TRNAU1AP: variants seen among roughly 807,000 people sequenced by gnomAD.
TRNAU1AP encodes the protein tRNA selenocysteine 1 associated protein 1.
Under a neutral mutation model 43.3 loss-of-function variants are expected in TRNAU1AP, and 33 were observed. That is an observed-to-expected ratio of 0.76 (90% confidence interval 0.58 to 1.02). The LOEUF (loss-of-function observed/expected upper bound fraction) is 1.02, where lower values mean the gene tolerates loss of function less well. TRNAU1AP is among the 50% of genes least tolerant of loss of function. The pLI, the probability that TRNAU1AP is intolerant of heterozygous loss-of-function variation, is 0.00. For missense variants in TRNAU1AP, 290 were observed against 362.7 expected (o/e 0.80, Z 1.63); for synonymous variants, 143 against 129.1 (o/e 1.11, Z -0.73).
chr1:28,559,897 C>T (rs775896507), intron 2 of TRNAU1AP, among the ~76,000 whole-genome samples: 4 of 152,008 alleles, frequency 2.6e-5, no homozygotes, highest in Non-Finnish European at 5.9e-5. Context: ...TTTGGGAGGC[C>T]GAAGTGGGTG....
At chr1:28,569,642 A>G (rs578130621) in intron 6 of TRNAU1AP, among the ~76,000 whole-genome samples, 9 of 150,056 alleles carry the variant, frequency 6.0e-5, no homozygotes, top group African/African-American at 1.7e-4. Flanking sequence ...CAGTGAGCCA[A>G]GATTGTGCCA....
intron 3 of TRNAU1AP, 140 bp from the exon 4 acceptor site, chr1:28,561,206 A>G: frequency 2.0e-6 from 3 of 1,479,372 alleles, no homozygotes; most frequent in Non-Finnish European, 2.7e-6. Flanking sequence ...CAACCCCCTC[A>G]TTTTATACAG....
At chr1:28,554,469 A>G (rs1205716171) in intron 2 of TRNAU1AP, among the ~76,000 whole-genome samples, 2 of 152,160 alleles carry the variant, frequency 1.3e-5, no homozygotes, top group African/African-American at 2.4e-5. Flanking sequence ...TAAGCAGTTT[A>G]CATCCATTAT....
At chr1:28,559,982 A>G (rs1009019600) in intron 2 of TRNAU1AP, among the ~76,000 whole-genome samples, 3 of 152,098 alleles carry the variant, frequency 2.0e-5, no homozygotes, top group African/African-American at 7.2e-5. Context: ...AAATACAAAA[A>G]TTAGCCAGGC....
At chr1:28,568,934 C>G (rs1422087905) in intron 6 of TRNAU1AP, among the ~76,000 whole-genome samples, 2 of 152,028 alleles carry the variant, frequency 1.3e-5, no homozygotes, top group Admixed American at 6.6e-5. Flanking sequence ...GCCTCAGCCT[C>G]CCGAGTAGCT....
chr1:28,560,950 T>C (rs1268841058), intron 3 of TRNAU1AP: 6 of 975,132 alleles, frequency 6.2e-6, no homozygotes, highest in Non-Finnish European at 8.6e-6. Flanking sequence ...GGATTCAGAC[T>C]GAAGATTGGT....
intron 6 of TRNAU1AP, among the ~76,000 whole-genome samples, chr1:28,568,825 T>G (rs1300303442): frequency 1.1e-4 from 16 of 152,026 alleles, no homozygotes; most frequent in African/African-American, 3.6e-4. Flanking sequence ...TTTTTTTTTT[T>G]TTTTGAGATG....
rs140820889 is a variant in TRNAU1AP, at chr1:28,577,628, A to G, written c.856A>G (p.Met286Val). The G allele has an allele frequency of 2.5e-6, 4 of 1,613,976 alleles. No homozygotes were observed. In the African/African-American group the frequency reaches 5.3e-5, roughly 22 times the overall value. ...CACAGTGTCTTCAGAGATCCCTGCC[A>G]TGATGTAGCCAGGCCAAAGGACAAG... ...LDTVSSEIPA[M>V]M Residue 286 changes from methionine (M) to valine (V), a missense_variant, in exon 9 of 9, where the codon ATG becomes GTG. Met to Val is a conservative substitution (Grantham distance 21). Transcript: ENST00000373830.
chr1:28,573,733 A>T (rs1160918134), intron 8 of TRNAU1AP, among the ~76,000 whole-genome samples: 1 of 150,812 alleles, frequency 6.6e-6, no homozygotes, highest in Non-Finnish European at 1.5e-5. Context: ...AGATCATACC[A>T]CTGTACTCCA....
In TRNAU1AP at chr1:28,577,719, T is replaced by C. The variant is rs1426424920; in HGVS notation, c.*83T>C. 1 of 1,405,192 alleles carries C rather than the reference T, an allele frequency of 7.1e-7. No individual in the cohort carries two copies. The highest frequency in any genetic ancestry group is 2.4e-5 in the East Asian group (1 of 42,180). 87.0% of individuals were successfully genotyped at this position (1,405,192 alleles called of 1,614,324 possible). On this transcript the variant is annotated 3_prime_UTR_variant, in exon 9 of 9. Coordinates refer to ENST00000373830, the MANE Select transcript of TRNAU1AP (RefSeq NM_017846.5). ...AAAAATTGTGAAACCTTTTTGGAAA[T>C]ATGATTTGTAAGATTTTAATAATGA...
intron 6 of TRNAU1AP, 134 bp downstream of exon 6, chr1:28,567,547 T>C: frequency 9.3e-7 from 1 of 1,075,050 alleles, no homozygotes; most frequent in Non-Finnish European, 1.3e-6. Flanking sequence ...AAGTACTGAA[T>C]GCCTGCTGTT....
At chr1:28,572,579 A>G (rs1476275235) in intron 8 of TRNAU1AP, among the ~76,000 whole-genome samples, 1 of 151,600 alleles carries the variant, frequency 6.6e-6, no homozygotes, top group East Asian at 1.9e-4. Context: ...TTTTCAATAT[A>G]TTTTAAAAGA....
At position 28,561,352 on chromosome 1, in the gene TRNAU1AP, C is replaced by T. The variant is rs768042154; in HGVS notation, c.232C>T (p.Arg78Cys). The stretch of plus-strand genomic sequence containing the variant: ...TTTGTTTTTCAACTTCCAGGCGAAA[C>T]GTTTTAAACTGAACTATGCCACTTA... Reference protein sequence around the residue: ...KPLPGATPAKRFKLNYATYGK... With the variant: ...KPLPGATPAKCFKLNYATYGK... Residue 78 changes from arginine to cysteine, a missense_variant, in exon 4 of 9, where the codon CGT (arginine) becomes TGT (cysteine). This residue lies in a region of TRNAU1AP where 174 missense variants were observed against 262.1 expected (regional missense o/e 0.66). Transcript: ENST00000373830. 9.3e-6 allele frequency: 15 copies of T among 1,613,996 alleles called. No individual in the cohort carries two copies. Among genetic ancestry groups the T allele is most frequent in the Non-Finnish European group, 1.3e-5 (15 of 1,180,014 alleles).
chr1:28,577,801 G>T lies in TRNAU1AP; in HGVS notation c.*165G>T. 1.3e-6 allele frequency: 1 copy of T among 761,152 alleles called. No individual in the cohort carries two copies. The highest frequency in any genetic ancestry group is 2.0e-6 in the Non-Finnish European group (1 of 488,966). 47.1% of individuals were successfully genotyped at this position (761,152 alleles called of 1,614,324 possible). On this transcript the variant is annotated 3_prime_UTR_variant, in exon 9 of 9. Coordinates refer to ENST00000373830, the MANE Select transcript of TRNAU1AP (RefSeq NM_017846.5). ...CACTGCTGCATTCATTTGACCATTT[G>T]AGTTTGAAGACCAAGGGAACAACTT...
intron 5 of TRNAU1AP, 51 bp from the exon 6 acceptor site, chr1:28,567,243 C>T (rs750483937): frequency 3.1e-6 from 5 of 1,599,386 alleles, no homozygotes; most frequent in Non-Finnish European, 3.4e-6. Flanking sequence ...TGTGTCCATT[C>T]TTAGACTTTA....
intron 1 of TRNAU1AP, 170 bp downstream of exon 1, chr1:28,553,307 A>T: frequency 1.2e-6 from 1 of 835,164 alleles, no homozygotes; most frequent in East Asian, 2.8e-5. Context: ...GAAGAGGCTG[A>T]GTCCGTGAGG....
intron 2 of TRNAU1AP, among the ~76,000 whole-genome samples, chr1:28,559,854 A>C (rs1272555782): frequency 6.6e-6 from 1 of 151,922 alleles, no homozygotes; most frequent in Non-Finnish European, 1.5e-5. Context: ...GTCTGGGGCC[A>C]GGTGCCTTGG....
At chr1:28,571,033 C>T (rs1665651491) in intron 6 of TRNAU1AP, 143 bp from the exon 7 acceptor site, 1 of 736,668 alleles carries the variant, frequency 1.4e-6, no homozygotes. Context: ...CCCCTGTACT[C>T]CAGCCTAGGC....
chr1:28,554,222 A>AAAAAAAAAAAC (rs1553121340), intron 2 of TRNAU1AP, among the ~76,000 whole-genome samples: 1 of 142,732 alleles, frequency 7.0e-6, no homozygotes, highest in African/African-American at 2.9e-5. Flanking sequence ...ACAAAAAAAC[A>AAAAAAAAAAAC]AAAAACGCAG....
Sources: gnomAD v4.1 joint callset for allele counts (sites outside exome capture counted in the v4.1 genomes callset) on GRCh38, gnomAD v4.1.1 for gene constraint, gnomAD v4.1.1 regional missense constraint, MANE v1.5 for transcripts, NCBI Gene and HGNC (gene_info 2026-07-23, HGNC 2026-07-21) for gene names.